The following ARMC5 variants were observed in gnomAD, a reference collection of about 807,000 sequenced individuals.
ARMC5 encodes the protein armadillo repeat-containing protein 5.
A neutral mutation model predicts 60.5 loss-of-function variants in ARMC5; 28 were observed. The ratio of observed to expected loss-of-function variants is 0.46; its 90% CI spans 0.34 to 0.63. ARMC5 has a LOEUF of 0.63. Ranked by LOEUF, ARMC5 falls within the 30% of genes least tolerant of loss-of-function variation. The pLI is 0.01. For missense variants in ARMC5, 1,189 were observed against 1,304.9 expected (o/e 0.91, Z 1.37); for synonymous variants, 680 against 607.3 (o/e 1.12, Z -1.76).
chr16:31,458,813 C>A (rs868563195), upstream of ARMC5: 1 of 1,530,706 alleles, frequency 6.5e-7, no homozygotes, highest in Middle Eastern at 1.7e-4. Flanking sequence ...TCTTCTGGCG[C>A]GGCCGACTGC....
chr16:31,459,057 G>A, upstream of ARMC5: 7 of 1,507,096 alleles, frequency 4.6e-6, no homozygotes, highest in Non-Finnish European at 1.8e-6. Flanking sequence ...CTTTCGGCCC[G>A]GCTCGGGGTT....
chr16:31,465,102 G>A lies in ARMC5; in HGVS notation c.1864+215G>A, dbSNP rs780890431. 14 of 1,613,908 alleles carry A rather than the reference G, an allele frequency of 8.7e-6. No homozygotes were observed. The East Asian group carries it at 2.9e-4, about 33-fold the overall frequency. ...CTGCTGTGTCCTCTGCCCTAGCCCT[G>A]GGACCCAGATACCCTAACTCTAGAT... On this transcript the variant is annotated intron_variant, in intron 4 of 5. Transcript: ENST00000268314.
chr16:31,464,457 T>C lies in ARMC5; in HGVS notation c.1434T>C (p.Pro478=). The C allele has an allele frequency of 1.3e-6, 2 of 1,597,434 alleles. No homozygotes were observed. The highest frequency in any genetic ancestry group is 1.7e-6 in the Non-Finnish European group (2 of 1,173,870). ...GPDDISPDWS[P]EQCPPEPMEP... is the part of the protein sequence containing the mutation. ...ATGACATCTCCCCCGACTGGTCTCC[T>C]GAGCAGTGTCCGCCGGAGCCCATGG... The change falls in exon 4 of 6, where the codon CCT becomes CCC. Residue 478 remains proline, a synonymous_variant. Transcript: ENST00000268314. The surrounding 1 kb of genome is among the most constrained non-coding windows in gnomAD (Gnocchi z 7.6).
chr16:31,465,580 C>T (rs1695114461), intron 4 of ARMC5: 5 of 1,293,032 alleles, frequency 3.9e-6, no homozygotes, highest in Non-Finnish European at 5.0e-6. Flanking sequence ...TATACTGGAA[C>T]AGCTCGTGTC....
Position 31,462,788 on chromosome 16 carries a change from C to G in ARMC5, c.1241C>G (p.Pro414Arg). ...LGRLQALGLV[P>R]LLAGQLCGEA... Reference sequence around the variant, plus strand: ...CGGCTGCAGGCTCTGGGACTTGTGCCTCTCCTGGCTGGGCAGCTGTGTGGT... The same window carrying G: ...CGGCTGCAGGCTCTGGGACTTGTGCGTCTCCTGGCTGGGCAGCTGTGTGGT... The change falls in exon 3 of 6, where the codon CCT (proline) becomes CGT (arginine). Residue 414 changes from proline to arginine, a missense_variant. By Grantham distance (103) the Pro-to-Arg change is moderately radical (BLOSUM62 -2). Around this residue, in one of 2 missense-constraint regions of ARMC5, gnomAD observed 862 missense variants for 1,071.2 expected, o/e 0.80. Coordinates refer to ENST00000268314, the MANE Select transcript of ARMC5 (RefSeq NM_001105247.2). This position sits in a 1 kb window ranked among gnomAD's most constrained non-coding sequence, Gnocchi z 7.2. 2 of 1,614,032 alleles carry G rather than the reference C, an allele frequency of 1.2e-6. No homozygotes were observed. Among genetic ancestry groups the G allele is most frequent in the Non-Finnish European group, 1.7e-6 (2 of 1,180,030 alleles).
chr16:31,465,585 C>G, intron 4 of ARMC5: 2 of 1,321,520 alleles, frequency 1.5e-6, no homozygotes. Flanking sequence ...TGGAACAGCT[C>G]GTGTCCTCCG....
chr16:31,460,221 A>G (rs1474918761), intron 1 of ARMC5: 2 of 536,524 alleles, frequency 3.7e-6, no homozygotes, highest in East Asian at 7.2e-5. Flanking sequence ...ATTATCTAGG[A>G]ATTGGTTGTT....
chr16:31,463,788 A>G (rs28608572), intron 3 of ARMC5, among the ~76,000 whole-genome samples: 4,998 of 151,816 alleles, frequency 0.033, 267 homozygotes, highest in African/African-American at 0.11. Flanking sequence ...AACTCATGGT[A>G]CTCTTACTTC....
Position 31,466,692 on chromosome 16 carries a change from G to A in ARMC5, c.2611G>A (p.Glu871Lys). Reference protein sequence around the residue: ...GPQGGPESVGEVFRLGRPRLA... With the variant: ...GPQGGPESVGKVFRLGRPRLA... ...CCAGGGTGGCCCGGAGTCAGTGGGT[G>A]AGGTGTTCCGCCTGGGCCGGCCCCG... The change falls in exon 6 of 6, where the codon GAG becomes AAG. Residue 871 changes from glutamate to lysine, a missense_variant. Physicochemically the swap from Glu to Lys is moderately conservative, Grantham distance 56. Coordinates refer to ENST00000268314, the MANE Select transcript of ARMC5 (RefSeq NM_001105247.2). The surrounding 1 kb of genome is among the most constrained non-coding windows in gnomAD (Gnocchi z 8.0). 1 of 1,568,902 alleles carries A rather than the reference G, an allele frequency of 6.4e-7. No homozygotes were observed. Among genetic ancestry groups the A allele is most frequent in the Non-Finnish European group, 8.6e-7 (1 of 1,157,466 alleles).
upstream of ARMC5, chr16:31,459,442 T>C (rs868263282): frequency 2.0e-5 from 31 of 1,544,106 alleles, 1 homozygote; most frequent in Middle Eastern, 3.3e-4. Context: ...AGCGAGGCGG[T>C]GCCCGACGAT....
At chr16:31,465,330 C>T in intron 4 of ARMC5, 1 of 1,418,766 alleles carries the variant, frequency 7.0e-7, no homozygotes. Flanking sequence ...GACCAAGGAG[C>T]CCTTCTGCTG....
chr16:31,465,822 C>G (rs1356473238), intron 4 of ARMC5, 28 bp from the exon 5 acceptor site: 2 of 1,606,306 alleles, frequency 1.2e-6, no homozygotes, highest in African/African-American at 1.3e-5. Context: ...GACCCCAGTT[C>G]CCAGCCTGAC....
At position 31,464,527 on chromosome 16, in the gene ARMC5, C is replaced by A. The variant is rs200364135; in HGVS notation, c.1504C>A (p.Arg502Ser). The A allele has an allele frequency of 6.3e-7, 1 of 1,598,470 alleles. No individual in the cohort carries two copies. Among genetic ancestry groups the A allele is most frequent in the South Asian group, 1.1e-5 (1 of 89,528 alleles). ...GACCCCGACCTCGCTGCGGGCACCA[C>A]GCACCCAACGCACTCCGGGCCGCAG... ...APTPTSLRAP[R>S]TQRTPGRSPA... is the part of the protein sequence containing the mutation. The change falls in exon 4 of 6, where the codon CGC (arginine) becomes AGC (serine). Residue 502 changes from arginine to serine, a missense_variant. Coordinates refer to ENST00000268314, the MANE Select transcript of ARMC5 (RefSeq NM_001105247.2). This position sits in a 1 kb window ranked among gnomAD's most constrained non-coding sequence, Gnocchi z 7.6.
chr16:31,458,820 C>G, upstream of ARMC5: 1 of 1,532,282 alleles, frequency 6.5e-7, no homozygotes, highest in Non-Finnish European at 8.7e-7. Flanking sequence ...GCGCGGCCGA[C>G]TGCGCTGCGA....
In ARMC5 at chr16:31,465,143, G is replaced by A. The variant is rs1478663495; in HGVS notation, c.1864+256G>A. On this transcript the variant is annotated intron_variant, in intron 4 of 5. Coordinates refer to ENST00000268314, the MANE Select transcript of ARMC5 (RefSeq NM_001105247.2). ...AACTCTAGATGCAGCCCCGCGCCCA[G>A]GATCTGGGCTGGTCTGTGCTTCTTT... 13 of 1,613,412 alleles carry A rather than the reference G, an allele frequency of 8.1e-6. No individual in the cohort carries two copies. In the South Asian group the frequency reaches 1.1e-4, roughly 14 times the overall value.
chr16:31,460,437 C>G (rs541866147), intron 1 of ARMC5, among the ~76,000 whole-genome samples: 1 of 152,128 alleles, frequency 6.6e-6, no homozygotes, highest in Non-Finnish European at 1.5e-5. Flanking sequence ...GTCACCTAAC[C>G]CCTCCGAGGC....
upstream of ARMC5, chr16:31,458,457 C>T (rs762503656): frequency 2.6e-6 from 4 of 1,535,754 alleles, no homozygotes; most frequent in Admixed American, 7.8e-5. Context: ...GGTGCTTAAC[C>T]AGATCAGAGC....
In ARMC5 at chr16:31,466,296, C is replaced by T. The variant is rs550435246; in HGVS notation, c.2215C>T (p.Leu739=). The change falls in exon 6 of 6, where the codon CTG becomes TTG. Residue 739 remains leucine, a synonymous_variant. Transcript: ENST00000268314. The surrounding 1 kb of genome is among the most constrained non-coding windows in gnomAD (Gnocchi z 8.0). ...ACCTTCCCCTTGCCTCTATGAACCT[C>T]TGCTGGGCCCAGCCCCTGTCCCAGC... ...DSPSPCLYEP[L]LGPAPVPAPD... 6.2e-7 allele frequency: 1 copy of T among 1,613,928 alleles called. No homozygotes were observed. Among genetic ancestry groups the T allele is most frequent in the African/African-American group, 1.3e-5 (1 of 75,068 alleles).
Position 31,464,691 on chromosome 16 carries a change from C to A in ARMC5, c.1668C>A (p.Thr556=). The change falls in exon 4 of 6, where the codon ACC becomes ACA. Residue 556 remains threonine, a synonymous_variant. Transcript: ENST00000268314. This position sits in a 1 kb window ranked among gnomAD's most constrained non-coding sequence, Gnocchi z 7.6. The stretch of plus-strand genomic sequence containing the variant: ...TGTACGGCCTGCTGACCTATGTGAC[C>A]GGCGCACCGGGCCCGCCCAGCCCAC... ...PALYGLLTYV[T]GAPGPPSPRA... The A allele has an allele frequency of 6.3e-7, 1 of 1,598,578 alleles. No homozygotes were observed. Among genetic ancestry groups the A allele is most frequent in the Non-Finnish European group, 8.5e-7 (1 of 1,179,052 alleles).
Sources: gnomAD v4.1 joint callset for allele counts (sites outside exome capture counted in the v4.1 genomes callset) on GRCh38, gnomAD v4.1.1 for gene constraint, gnomAD v4.1.1 regional missense constraint, Gnocchi (gnomAD v3.1) non-coding constraint, MANE v1.5 for transcripts, NCBI Gene and HGNC (gene_info 2026-07-23, HGNC 2026-07-21) for gene names.